Variants in TMEM87B observed in about 807,000 individuals in gnomAD.
The protein encoded by TMEM87B is transmembrane protein 87B.
Under a neutral mutation model 80.3 loss-of-function variants are expected in TMEM87B, and 83 were observed. The observed-to-expected ratio is 1.03, with a 90% CI of 0.87 to 1.24. The LOEUF (loss-of-function observed/expected upper bound fraction) is 1.24, where lower values mean the gene tolerates loss of function less well. Among genes scored for constraint, TMEM87B ranks in the 50% most tolerant of loss-of-function variants. The pLI, the probability that TMEM87B is intolerant of heterozygous loss-of-function variation, is 0.00. For synonymous variants in TMEM87B, 219 were observed against 230.5 expected, an observed-to-expected ratio of 0.95 and a Z score of 0.45; for missense variants, 625 against 674.4, an observed-to-expected ratio of 0.93 and a Z score of 0.81.
rs1680076551 is a variant in TMEM87B, at chr2:112,118,289, CAGG to C, written c.*2149_*2151del. 1 of 152,084 alleles carries C rather than the reference CAGG, an allele frequency of 6.6e-6. No homozygotes were observed. Among genetic ancestry groups the C allele is most frequent in the African/African-American group, 2.4e-5 (1 of 41,394 alleles). The allele number at this position is 152,084 out of a possible 1,614,324, so 9.4% of individuals were successfully genotyped here. On this transcript the variant is annotated 3_prime_UTR_variant, in exon 19 of 19. Coordinates refer to ENST00000283206, the MANE Select transcript of TMEM87B (RefSeq NM_032824.3). Reference sequence around the variant, plus strand: ...TAGCTGTAGTTCACAGGAAGGACACCAGGAGAAGTTATACCTAGGGCTACTGAG... The same window carrying C: ...TAGCTGTAGTTCACAGGAAGGACACCAGAAGTTATACCTAGGGCTACTGAG...
At chr2:112,064,764 G>A (rs1678367686) in intron 3 of TMEM87B, among the ~76,000 whole-genome samples, 1 of 152,210 alleles carries the variant, frequency 6.6e-6, no homozygotes, top group African/African-American at 2.4e-5. Flanking sequence ...CCTGGGATGT[G>A]CACTGGGCTC....
chr2:112,094,236 A>G (rs1463667397), intron 11 of TMEM87B, among the ~76,000 whole-genome samples: 1 of 146,318 alleles, frequency 6.8e-6, no homozygotes, highest in East Asian at 2.0e-4. Context: ...ATCTCAACTC[A>G]CTGCAACCTC....
At chr2:112,103,284 C>T (rs556423788) in intron 15 of TMEM87B, among the ~76,000 whole-genome samples, 29 of 152,082 alleles carry the variant, frequency 1.9e-4, no homozygotes, top group African/African-American at 7.0e-4. Context: ...TAAAACAATG[C>T]AGAGATAAAT....
intron 16 of TMEM87B, among the ~76,000 whole-genome samples, chr2:112,106,895 G>A (rs1679783221): frequency 6.6e-6 from 1 of 152,152 alleles, no homozygotes; most frequent in South Asian, 2.1e-4. Flanking sequence ...ATAGACTGGA[G>A]GGATGGATAG....
intron 8 of TMEM87B, among the ~76,000 whole-genome samples, chr2:112,084,808 T>G (rs1288880093): frequency 6.6e-6 from 1 of 152,268 alleles, no homozygotes; most frequent in Non-Finnish European, 1.5e-5. Flanking sequence ...GCATTTTCCT[T>G]GCCTGCAGTT....
chr2:112,057,030 C>A (rs1454697914), intron 1 of TMEM87B, among the ~76,000 whole-genome samples: 3 of 152,212 alleles, frequency 2.0e-5, no homozygotes, highest in Non-Finnish European at 4.4e-5. Flanking sequence ...GTACTGTGAA[C>A]ATACCTGCAA....
Position 112,077,192 on chromosome 2 carries a change from G to C in TMEM87B, c.502G>C (p.Asp168His), listed in dbSNP as rs746818102. ...AGAATTTTTTTCACCTCTATTTCAGGATGTTGTAGCCAGAACACAAAAAGA... is the reference window on the plus strand; with the variant it reads ...AGAATTTTTTTCACCTCTATTTCAGCATGTTGTAGCCAGAACACAAAAAGA... ...RNVSNQERSMDVVARTQKDGF... is the reference protein window; with the variant it reads ...RNVSNQERSMHVVARTQKDGF... Residue 168 changes from aspartate to histidine, a missense_variant and splice_region_variant, in exon 6 of 19, where the codon GAT (aspartate) becomes CAT (histidine). Transcript: ENST00000283206. The C allele has an allele frequency of 5.1e-5, 80 of 1,561,534 alleles. No individual in the cohort carries two copies. The highest frequency in any genetic ancestry group is 6.8e-5 in the Non-Finnish European group (78 of 1,151,694).
chr2:112,086,721 C>G (rs1679156849), intron 9 of TMEM87B, among the ~76,000 whole-genome samples: 1 of 151,932 alleles, frequency 6.6e-6, no homozygotes. Flanking sequence ...AGCTTCCAGA[C>G]CCTCCCTCAT....
chr2:112,059,948 G>T (rs1471555921), intron 1 of TMEM87B, 29 bp from the exon 2 acceptor site: 3 of 1,590,070 alleles, frequency 1.9e-6, no homozygotes. Context: ...TTTCTAACAA[G>T]ATCTTCCTGT....
Position 112,081,529 on chromosome 2 carries a change from A to T in TMEM87B, c.838+11A>T. 6.3e-7 allele frequency: 1 copy of T among 1,597,032 alleles called. No individual in the cohort carries two copies. Among genetic ancestry groups the T allele is most frequent in the South Asian group, 1.1e-5 (1 of 88,282 alleles). ...ACACTGGACTGTCAAGTAAGTTTTG[A>T]CTGTCTCTGTAAATATAGTATGATC... is the stretch of plus-strand genomic sequence containing the variant. On this transcript the variant is annotated intron_variant, in intron 8 of 18. Coordinates refer to ENST00000283206, the MANE Select transcript of TMEM87B (RefSeq NM_032824.3).
chr2:112,099,549 TATATATAC>T (rs112739374), intron 14 of TMEM87B, among the ~76,000 whole-genome samples: 1,333 of 110,482 alleles, frequency 0.012, 19 homozygotes, highest in African/African-American at 0.039. Context: ...TATATATATA[TATATATAC>T]ACACACACAC....
chr2:112,057,450 T>A (rs1409809661), intron 1 of TMEM87B, among the ~76,000 whole-genome samples: 1 of 152,198 alleles, frequency 6.6e-6, no homozygotes, highest in Non-Finnish European at 1.5e-5. Flanking sequence ...ATTTTTAAAT[T>A]TTTTTGTAGA....
chr2:112,118,642 G>C lies in TMEM87B; in HGVS notation c.*2499G>C, dbSNP rs553153365. ...GAATATGTGAATTTTTTAAGCCTGA[G>C]AGATGATAGAATGTTCCCATATTTT... On this transcript the variant is annotated 3_prime_UTR_variant, in exon 19 of 19. Transcript: ENST00000283206. 1.5e-4 allele frequency: 23 copies of C among 152,194 alleles called. No individual in the cohort carries two copies. Among genetic ancestry groups the C allele is most frequent in the African/African-American group, 4.8e-4 (20 of 41,542 alleles). 9.4% of individuals were successfully genotyped at this position (152,194 alleles called of 1,614,324 possible). A position where few individuals can be genotyped will look rare whatever the true frequency, so the allele number is the denominator to read the frequency against.
At chr2:112,066,663 T>C (rs1235429787) in intron 3 of TMEM87B, among the ~76,000 whole-genome samples, 2 of 152,242 alleles carry the variant, frequency 1.3e-5, no homozygotes, top group Non-Finnish European at 2.9e-5. Context: ...AACTATTTCA[T>C]TGTAGTATCT....
At chr2:112,077,056 A>AAAT in intron 5 of TMEM87B, 136 bp from the exon 6 acceptor site, 2 of 459,414 alleles carry the variant, frequency 4.4e-6, no homozygotes, top group Non-Finnish European at 7.7e-6. Context: ...AAAAAAAAAA[A>AAAT]GGAAAAAATT....
chr2:112,105,059 G>A (rs1679728259), intron 15 of TMEM87B, among the ~76,000 whole-genome samples: 1 of 152,018 alleles, frequency 6.6e-6, no homozygotes, highest in Non-Finnish European at 1.5e-5. Flanking sequence ...TAACTGTATT[G>A]ATTGGCATGG....
At chr2:112,072,057 T>C (rs1391361788) in intron 4 of TMEM87B, among the ~76,000 whole-genome samples, 4 of 152,250 alleles carry the variant, frequency 2.6e-5, no homozygotes, top group Admixed American at 2.0e-4. Context: ...TTTCTGTCTT[T>C]AATTCTCTTT....
At chr2:112,099,558 A>ATATATATATATATATG in intron 14 of TMEM87B, among the ~76,000 whole-genome samples, 1 of 44,914 alleles carries the variant, frequency 2.2e-5, no homozygotes, top group African/African-American at 1.4e-4. Context: ...ATATATATAC[A>ATATATATATATATATG]CACACACACG....
rs774828905 is a variant in TMEM87B at position 112,097,124 on chromosome 2, T to A, written c.1185T>A (p.Phe395Leu). 8.7e-6 allele frequency: 14 copies of A among 1,609,156 alleles called. No individual in the cohort carries two copies. In the South Asian group the frequency reaches 1.2e-4, roughly 14 times the overall value. ...NTVKFSLYRH[F>L]KNTLIFAVLA... Reference sequence around the variant, plus strand: ...TGAAATTTTCATTATATAGACATTTTAAAAATACTCTGATCTTTGCTGTGC... The same window carrying A: ...TGAAATTTTCATTATATAGACATTTAAAAAATACTCTGATCTTTGCTGTGC... Residue 395 changes from phenylalanine (F) to leucine (L), a missense_variant, in exon 12 of 19, where the codon TTT (phenylalanine) becomes TTA (leucine). Phe to Leu is a conservative substitution (Grantham distance 22). Transcript: ENST00000283206.
Sources: gnomAD v4.1 joint callset for allele counts (sites outside exome capture counted in the v4.1 genomes callset) on GRCh38, gnomAD v4.1.1 for gene constraint, MANE v1.5 for transcripts, NCBI Gene and HGNC (gene_info 2026-07-23, HGNC 2026-07-21) for gene names.